The following CDKAL1 variants were observed in gnomAD, a reference collection of about 807,000 sequenced individuals.
CDKAL1 encodes threonylcarbamoyladenosine tRNA methylthiotransferase.
A neutral mutation model predicts 68.2 loss-of-function variants in CDKAL1; 32 were observed. The ratio of observed to expected loss-of-function variants is 0.47; its 90% CI spans 0.35 to 0.63. The LOEUF is 0.63. Among genes scored for constraint, CDKAL1 ranks in the 30% least tolerant of loss-of-function variants. The pLI is 0.00. For missense variants in CDKAL1, 606 were observed against 696.7 expected (o/e 0.87, Z 1.47); for synonymous variants, 234 against 244.3 (o/e 0.96, Z 0.39).
intron 2 of CDKAL1, among the ~76,000 whole-genome samples, chr6:20,543,418 C>G (rs749704297): frequency 6.6e-5 from 10 of 152,230 alleles, no homozygotes; most frequent in Admixed American, 3.9e-4. Flanking sequence ...TGCTTATTTG[C>G]CCTCTGTATA....
intron 4 of CDKAL1, among the ~76,000 whole-genome samples, chr6:20,631,230 C>T (rs993498907): frequency 2.6e-5 from 4 of 152,172 alleles, no homozygotes; most frequent in African/African-American, 7.2e-5. Context: ...CAACTGTCCT[C>T]CCTACCCCAG....
intron 4 of CDKAL1, among the ~76,000 whole-genome samples, chr6:20,603,294 C>G (rs1766184955): frequency 6.6e-6 from 1 of 152,086 alleles, no homozygotes; most frequent in Non-Finnish European, 1.5e-5. Flanking sequence ...GGCTGAGTTT[C>G]CCATCATGAA....
At chr6:20,783,614 C>T (rs1335437816) in intron 8 of CDKAL1, among the ~76,000 whole-genome samples, 1 of 152,088 alleles carries the variant, frequency 6.6e-6, no homozygotes, top group Non-Finnish European at 1.5e-5. Context: ...ACTATGTGCT[C>T]ATTTCTTGGG....
At chr6:20,980,664 T>G (rs1159414898) in intron 10 of CDKAL1, among the ~76,000 whole-genome samples, 1 of 141,074 alleles carries the variant, frequency 7.1e-6, no homozygotes, top group African/African-American at 2.5e-5. Context: ...TGGGGGTGAA[T>G]AGGCATGAGA....
chr6:20,874,444 C>G (rs1007724180), intron 9 of CDKAL1, among the ~76,000 whole-genome samples: 4 of 152,010 alleles, frequency 2.6e-5, no homozygotes, highest in Admixed American at 1.3e-4. Flanking sequence ...GGTGTGATTA[C>G]AGGTGCCCGC....
intron 4 of CDKAL1, among the ~76,000 whole-genome samples, chr6:20,591,808 T>C (rs929633679): frequency 6.6e-6 from 1 of 152,220 alleles, no homozygotes; most frequent in Admixed American, 6.5e-5. Context: ...GGTAGCCTGA[T>C]GCCTCCAGCT....
chr6:21,156,385 C>G (rs1776642943), intron 13 of CDKAL1, among the ~76,000 whole-genome samples: 1 of 138,444 alleles, frequency 7.2e-6, no homozygotes, highest in Admixed American at 7.6e-5. Flanking sequence ...GATCGTGCCA[C>G]TGTACTCCAG....
chr6:21,017,157 TTGA>T (rs1275402597), intron 11 of CDKAL1, among the ~76,000 whole-genome samples: 1 of 152,236 alleles, frequency 6.6e-6, no homozygotes, highest in Non-Finnish European at 1.5e-5. Flanking sequence ...ATTGCTCTAT[TTGA>T]TTGCATGCAT....
chr6:20,541,955 C>T (rs1187710208), intron 2 of CDKAL1, among the ~76,000 whole-genome samples: 1 of 152,214 alleles, frequency 6.6e-6, no homozygotes, highest in Non-Finnish European at 1.5e-5. Context: ...CCACCGTTTC[C>T]GGCAATTGAC....
At chr6:21,086,346 A>T (rs1424236474) in intron 12 of CDKAL1, among the ~76,000 whole-genome samples, 2 of 152,224 alleles carry the variant, frequency 1.3e-5, no homozygotes, top group African/African-American at 4.8e-5. Context: ...CTTAATTAAA[A>T]TATAGACTCC....
chr6:21,126,492 TC>T (rs1442573327), intron 13 of CDKAL1, among the ~76,000 whole-genome samples: 2 of 152,208 alleles, frequency 1.3e-5, no homozygotes, highest in Non-Finnish European at 2.9e-5. Flanking sequence ...AGCTGAGCAC[TC>T]AACCTTGATG....
chr6:20,543,458 T>G (rs1211654437), intron 2 of CDKAL1, among the ~76,000 whole-genome samples: 4 of 152,206 alleles, frequency 2.6e-5, no homozygotes, highest in Non-Finnish European at 4.4e-5. Context: ...GTCATTTTCT[T>G]TTTACGGTTG....
chr6:21,075,041 A>G (rs951502808), intron 12 of CDKAL1, among the ~76,000 whole-genome samples: 1 of 152,246 alleles, frequency 6.6e-6, no homozygotes, highest in East Asian at 1.9e-4. Flanking sequence ...CATATGTACA[A>G]TTATTGTGTG....
intron 4 of CDKAL1, among the ~76,000 whole-genome samples, chr6:20,550,583 G>C (rs1763778924): frequency 6.6e-6 from 1 of 152,054 alleles, no homozygotes; most frequent in African/African-American, 2.4e-5. Context: ...AAGGGGATCT[G>C]GGCAGTCAAT....
chr6:20,609,542 T>G (rs960260949), intron 4 of CDKAL1, among the ~76,000 whole-genome samples: 2 of 151,674 alleles, frequency 1.3e-5, no homozygotes, highest in South Asian at 4.2e-4. Context: ...ATTACAGGTG[T>G]GCACCACCAC....
chr6:20,856,754 T>C (rs1269590769), intron 9 of CDKAL1, among the ~76,000 whole-genome samples: 3 of 152,242 alleles, frequency 2.0e-5, no homozygotes, highest in Non-Finnish European at 4.4e-5. Flanking sequence ...CTTTAAAGGC[T>C]GCAAGTTGGT....
At chr6:21,015,342 A>G (rs1430013539) in intron 11 of CDKAL1, among the ~76,000 whole-genome samples, 2 of 152,190 alleles carry the variant, frequency 1.3e-5, no homozygotes, top group Non-Finnish European at 2.9e-5. Flanking sequence ...TTCCTCAATT[A>G]TTATTTAAAG....
chr6:21,221,863 C>T (rs568223297), intron 15 of CDKAL1, among the ~76,000 whole-genome samples: 26 of 152,252 alleles, frequency 1.7e-4, no homozygotes, highest in South Asian at 1.2e-3. Context: ...AGATGAAATG[C>T]GGGCTTACAG....
intron 5 of CDKAL1, among the ~76,000 whole-genome samples, chr6:20,679,739 C>G (rs888838993): frequency 2.0e-5 from 3 of 152,166 alleles, no homozygotes; most frequent in African/African-American, 7.2e-5. Flanking sequence ...TTTTAGACAA[C>G]TCTGATGCCA....
Sources: gnomAD v4.1 joint callset for allele counts (sites outside exome capture counted in the v4.1 genomes callset) on GRCh38, gnomAD v4.1.1 for gene constraint, MANE v1.5 for transcripts, NCBI Gene and HGNC (gene_info 2026-07-23, HGNC 2026-07-21) for gene names.